RNPC3: variants seen among roughly 807,000 people sequenced by gnomAD.
RNPC3 encodes RNA-binding region-containing protein 3.
In RNPC3, 48 loss-of-function variants were observed where a neutral mutation model predicts 67.5. The ratio of observed to expected loss-of-function variants is 0.71; its 90% CI spans 0.56 to 0.90. The LOEUF (loss-of-function observed/expected upper bound fraction) is 0.90, where lower values mean the gene tolerates loss of function less well. Among genes scored for constraint, RNPC3 ranks in the 40% least tolerant of loss-of-function variants. The probability of loss-of-function intolerance (pLI) is 0.00; values close to 1 mark genes in which losing one functional copy is unlikely to be tolerated. For synonymous variants in RNPC3, 239 were observed against 210.3 expected, an observed-to-expected ratio of 1.14 and a Z score of -1.18; for missense variants, 637 against 626.1, an observed-to-expected ratio of 1.02 and a Z score of -0.19.
At chr1:103,538,610 C>A (rs772563031) in intron 7 of RNPC3, among the ~76,000 whole-genome samples, 1 of 152,136 alleles carries the variant, frequency 6.6e-6, no homozygotes, top group Non-Finnish European at 1.5e-5. Flanking sequence ...CTTCCAAGAA[C>A]CTAATGCTGA....
chr1:103,554,614 C>T (rs1651488285), intron 14 of RNPC3: 1 of 152,568 alleles, frequency 6.6e-6, no homozygotes, highest in African/African-American at 2.4e-5. Flanking sequence ...ATTTTAAGGA[C>T]TGACCAGTTT....
chr1:103,549,553 T>C (rs974732531), intron 12 of RNPC3, among the ~76,000 whole-genome samples: 2 of 152,170 alleles, frequency 1.3e-5, no homozygotes, highest in African/African-American at 4.8e-5. Flanking sequence ...TTTTTGATAG[T>C]TTTTTATGTA....
rs757894876 is a variant in RNPC3 at position 103,531,623 on chromosome 1, G to A, written c.241-2116G>A. 5.3e-5 allele frequency among the ~76,000 whole-genome samples: 8 copies of A among 152,040 alleles called. No homozygotes were observed. In the East Asian group the frequency reaches 1.5e-3, roughly 29 times the overall value. ...TGATGTTGAGCAGTTTTTCATGTTT[G>A]TTGGCCATTTGTGTATCTTATTTTG... On this transcript the variant is annotated intron_variant, in intron 2 of 14. Coordinates refer to ENST00000423855, the MANE Select transcript of RNPC3 (RefSeq NM_017619.4).
chr1:103,541,275 C>T (rs1337711301), intron 7 of RNPC3, 75 bp from the exon 8 acceptor site: 6 of 1,079,880 alleles, frequency 5.6e-6, no homozygotes, highest in African/African-American at 1.7e-5. Context: ...ACAAATTTAA[C>T]GTTAATAGAA....
chr1:103,543,381 A>C lies in RNPC3; in HGVS notation c.979A>C (p.Thr327Pro). Residue 327 changes from threonine (T) to proline (P), a missense_variant, in exon 9 of 15, where the codon ACC becomes CCC. Thr to Pro is a conservative substitution (Grantham distance 38, BLOSUM62 -1). Coordinates refer to ENST00000423855, the MANE Select transcript of RNPC3 (RefSeq NM_017619.4). Reference sequence around the variant, plus strand: ...CAAAAGAATTGAATTCCATATATCTACCGACATGCCAGCTGCATTTAAGAA... The same window carrying C: ...CAAAAGAATTGAATTCCATATATCTCCCGACATGCCAGCTGCATTTAAGAA... ...GNKRIEFHIS[T>P]DMPAAFKKDL... 3 of 1,521,726 alleles carry C rather than the reference A, an allele frequency of 2.0e-6. No homozygotes were observed. The highest frequency in any genetic ancestry group is 1.2e-5 in the South Asian group (1 of 81,600). The allele number at this position is 1,521,726 out of a possible 1,614,324, so 94.3% of individuals were successfully genotyped here. A position where few individuals can be genotyped will look rare whatever the true frequency, so the allele number is the denominator to read the frequency against.
At chr1:103,533,598 C>T (rs1475600464) in intron 2 of RNPC3, 141 bp from the exon 3 acceptor site, 10 of 617,982 alleles carry the variant, frequency 1.6e-5, no homozygotes, top group Non-Finnish European at 2.6e-5. Context: ...GCTTGATAGC[C>T]TGAGATTAAA....
Position 103,551,706 on chromosome 1 carries a change from A to G in RNPC3, c.1495-15A>G. 6.7e-7 allele frequency: 1 copy of G among 1,489,130 alleles called. No homozygotes were observed. The allele number at this position is 1,489,130 out of a possible 1,614,324, so 92.2% of individuals were successfully genotyped here. On this transcript the variant is annotated splice_polypyrimidine_tract_variant and intron_variant, in intron 13 of 14. Coordinates refer to ENST00000423855, the MANE Select transcript of RNPC3 (RefSeq NM_017619.4). Reference sequence around the variant, plus strand: ...TTGCATATTCATGAAGGAAACCTTAATTTTAAATTATTAGCAGTTTGCTCG... The same window carrying G: ...TTGCATATTCATGAAGGAAACCTTAGTTTTAAATTATTAGCAGTTTGCTCG...
intron 2 of RNPC3, 74 bp from the exon 3 acceptor site, chr1:103,533,665 G>C: frequency 5.8e-6 from 4 of 692,398 alleles, no homozygotes; most frequent in Non-Finnish European, 9.5e-6. Flanking sequence ...AAAAAAAAAA[G>C]TATAAAAATT....
chr1:103,536,226 A>T, intron 6 of RNPC3, 32 bp downstream of exon 6: 1 of 1,473,532 alleles, frequency 6.8e-7, no homozygotes, highest in African/African-American at 1.4e-5. Flanking sequence ...TCAAGTCAAA[A>T]TTTCTCTTCC....
chr1:103,551,883 CTCTT>C (rs917479963), intron 14 of RNPC3, 91 bp downstream of exon 14: 94 of 606,900 alleles, frequency 1.5e-4, no homozygotes, highest in African/African-American at 1.4e-3. Context: ...ATTCAGGTAT[CTCTT>C]TTTTTTTTTT....
Position 103,546,243 on chromosome 1 carries a change from A to T in RNPC3, c.1208-5A>T, listed in dbSNP as rs1463262021. On this transcript the variant is annotated splice_polypyrimidine_tract_variant and splice_region_variant and intron_variant, in intron 10 of 14. Transcript: ENST00000423855. ...TTATATCTTTGTTTTTTGTTTTTTA[A>T]TAAGAAATGGAAACACTTTCAGTTT... is the stretch of plus-strand genomic sequence containing the variant. The T allele has an allele frequency of 1.5e-6, 2 of 1,292,394 alleles. No individual in the cohort carries two copies. Among genetic ancestry groups the T allele is most frequent in the South Asian group, 3.9e-5 (2 of 51,712 alleles). The allele number at this position is 1,292,394 out of a possible 1,614,324, so 80.1% of individuals were successfully genotyped here.
At position 103,537,553 on chromosome 1, in the gene RNPC3, C is replaced by T. The variant is rs1252574927; in HGVS notation, c.767+69C>T. On this transcript the variant is annotated intron_variant, in intron 7 of 14. Transcript: ENST00000423855. Reference sequence around the variant, plus strand: ...ATGTAAGAAAGAGACTCTTGCTCTCCCTAGATTTTGTGTGTATAATACTTA... The same window carrying T: ...ATGTAAGAAAGAGACTCTTGCTCTCTCTAGATTTTGTGTGTATAATACTTA... 15 of 1,297,102 alleles carry T rather than the reference C, an allele frequency of 1.2e-5. No individual in the cohort carries two copies. The East Asian group carries it at 1.3e-4, about 11-fold the overall frequency. The allele number at this position is 1,297,102 out of a possible 1,614,324, so 80.3% of individuals were successfully genotyped here.
chr1:103,543,112 C>T lies in RNPC3; in HGVS notation c.894-184C>T, dbSNP rs539477047. On this transcript the variant is annotated intron_variant, in intron 8 of 14. Transcript: ENST00000423855. ...TGTGTAAACTAATAATTTAGTAGTA[C>T]CTATATTAGAGCATTAAAGTTTATT... is the stretch of plus-strand genomic sequence containing the variant. 2.6e-5 allele frequency among the ~76,000 whole-genome samples: 4 copies of T among 151,678 alleles called. No homozygotes were observed. In the East Asian group the frequency reaches 7.7e-4, roughly 29 times the overall value.
At chr1:103,530,755 C>G (rs1201416943) in intron 2 of RNPC3, among the ~76,000 whole-genome samples, 1 of 152,104 alleles carries the variant, frequency 6.6e-6, no homozygotes. Flanking sequence ...GTAATTCAGT[C>G]CAGAATTGAT....
Position 103,551,008 on chromosome 1 carries a change from A to G in RNPC3, c.1429A>G (p.Lys477Glu). The G allele has an allele frequency of 1.9e-6, 3 of 1,612,430 alleles. No individual in the cohort carries two copies. Among genetic ancestry groups the G allele is most frequent in the Non-Finnish European group, 2.5e-6 (3 of 1,179,684 alleles). Residue 477 changes from lysine (K) to glutamate (E), a missense_variant, in exon 13 of 15, where the codon AAA becomes GAA. Physicochemically the swap from Lys to Glu is moderately conservative, Grantham distance 56. Transcript: ENST00000423855. ...AGCTTTCATTGGACTTCCTAATGAA[A>G]AAGCAGCAGCAAAAGCCTTAAAGGA... ...GQAFIGLPNE[K>E]AAAKALKEAN...
chr1:103,551,573 A>G (rs1651387835), intron 13 of RNPC3, 148 bp from the exon 14 acceptor site: 1 of 549,262 alleles, frequency 1.8e-6, no homozygotes, highest in African/African-American at 2.0e-5. Context: ...TTAATTATTA[A>G]TTTCCTCTCA....
chr1:103,532,043 A>G (rs555561036), intron 2 of RNPC3, among the ~76,000 whole-genome samples: 107 of 152,270 alleles, frequency 7.0e-4, no homozygotes, highest in African/African-American at 2.5e-3. Context: ...ATTCTTCTAC[A>G]TGCGACTTGC....
At chr1:103,554,533 C>T (rs957072104) in intron 14 of RNPC3, 2 of 152,552 alleles carry the variant, frequency 1.3e-5, no homozygotes, top group African/African-American at 2.4e-5. Flanking sequence ...CTGTACTCTA[C>T]CCTAGAACTA....
intron 9 of RNPC3, among the ~76,000 whole-genome samples, chr1:103,544,543 A>G (rs1651199255): frequency 6.6e-6 from 1 of 151,872 alleles, no homozygotes; most frequent in Admixed American, 6.6e-5. Context: ...CTTTGCACAT[A>G]TATCTTTGAG....
Sources: allele counts gnomAD v4.1 joint callset (sites outside exome capture counted in the v4.1 genomes callset), GRCh38; gene constraint gnomAD v4.1.1; transcripts MANE v1.5; gene names NCBI Gene and HGNC (gene_info 2026-07-23, HGNC 2026-07-21).